The following MDM2 variants were observed in gnomAD, a reference collection of about 807,000 sequenced individuals.
The protein encoded by MDM2 is E3 ubiquitin-protein ligase Mdm2.
A neutral mutation model predicts 64.3 loss-of-function variants in MDM2; 11 were observed. The ratio of observed to expected loss-of-function variants is 0.17; its 90% CI spans 0.11 to 0.28. The LOEUF (loss-of-function observed/expected upper bound fraction) is 0.28, where lower values mean the gene tolerates loss of function less well. Ranked by LOEUF, MDM2 falls within the 10% of genes least tolerant of loss-of-function variation. MDM2 has a pLI of 1.00. For synonymous variants in MDM2, 194 were observed against 192.9 expected, an observed-to-expected ratio of 1.01 and a Z score of -0.05; for missense variants, 388 against 577.1, an observed-to-expected ratio of 0.67 and a Z score of 3.36.
intron 3 of MDM2, among the ~76,000 whole-genome samples, chr12:68,816,513 C>G (rs1158354327): frequency 6.6e-6 from 1 of 151,954 alleles, no homozygotes; most frequent in Non-Finnish European, 1.5e-5. Flanking sequence ...GCTGGGATTA[C>G]AGGTGTCTGC....
At chr12:68,814,394 T>C (rs1338825867) in intron 3 of MDM2, among the ~76,000 whole-genome samples, 1 of 152,248 alleles carries the variant, frequency 6.6e-6, no homozygotes, top group Admixed American at 6.5e-5. Context: ...ATAAGTCATA[T>C]TTTGAAATGT....
intron 5 of MDM2, among the ~76,000 whole-genome samples, chr12:68,823,857 G>A (rs1882076880): frequency 1.3e-5 from 2 of 152,198 alleles, no homozygotes; most frequent in African/African-American, 4.8e-5. Flanking sequence ...GGGAATGACA[G>A]CATGAGTCCT....
chr12:68,816,593 G>A lies in MDM2; in HGVS notation c.175-219G>A, dbSNP rs543205365. Among the ~76,000 whole-genome samples, 48 of 152,046 alleles carry A rather than the reference G, an allele frequency of 3.2e-4. 2 individuals are homozygous for A. The South Asian group carries it at 8.9e-3, about 28-fold the overall frequency. ...AGGATGGTCTTTATCTCCTGACCTCGTGATCCATCCGCTTCGGCCTCCCGA... is the reference window on the plus strand; with the variant it reads ...AGGATGGTCTTTATCTCCTGACCTCATGATCCATCCGCTTCGGCCTCCCGA... On this transcript the variant is annotated intron_variant, in intron 3 of 10. Transcript: ENST00000258149.
chr12:68,836,621 G>T, intron 9 of MDM2, 51 bp from the exon 10 acceptor site: 1 of 1,278,258 alleles, frequency 7.8e-7, no homozygotes, highest in South Asian at 1.2e-5. Context: ...GAAGCCTTCT[G>T]ATTGAAGGAA....
In MDM2 at chr12:68,842,276, C is replaced by CA. The variant is rs1208089479; in HGVS notation, c.*2430dup. 1 of 496,582 alleles carries CA rather than the reference C, an allele frequency of 2.0e-6. No homozygotes were observed. The highest frequency in any genetic ancestry group is 4.7e-5 in the East Asian group (1 of 21,374). 30.8% of individuals were successfully genotyped at this position (496,582 alleles called of 1,614,324 possible). On this transcript the variant is annotated 3_prime_UTR_variant, in exon 11 of 11. Transcript: ENST00000258149. ...AAGGACTACGGAAAGTTCAGGACAT[C>CA]AAAGAAGTCAGGCAAAACTCATCTT... is the stretch of plus-strand genomic sequence containing the variant.
chr12:68,810,716 C>T (rs1480520083), intron 2 of MDM2, among the ~76,000 whole-genome samples: 2 of 152,140 alleles, frequency 1.3e-5, no homozygotes, highest in Admixed American at 6.5e-5. Context: ...CCGCCTCGGC[C>T]TCCCAAAGTG....
chr12:68,833,477 T>C (rs890255097), intron 8 of MDM2, among the ~76,000 whole-genome samples: 4 of 148,138 alleles, frequency 2.7e-5, no homozygotes, highest in African/African-American at 4.9e-5. Context: ...TAATAGTTTC[T>C]GGGGCATTCT....
chr12:68,808,548 C>T lies in MDM2; in HGVS notation c.14+57C>T, dbSNP rs201879276. ...GGTCTGGGCTCTGACGGTGTCCCCT[C>T]TATCGCTGGTTCCCAGCCTCTGCCC... On this transcript the variant is annotated intron_variant, in intron 1 of 10. Transcript: ENST00000258149. 1,184 of 1,610,926 alleles carry T rather than the reference C, an allele frequency of 7.3e-4. 3 individuals carry two copies. Among genetic ancestry groups the T allele is most frequent in the Non-Finnish European group, 9.7e-4 (1,141 of 1,177,978 alleles).
At chr12:68,819,641 G>A (rs749187947) in intron 4 of MDM2, among the ~76,000 whole-genome samples, 10 of 152,106 alleles carry the variant, frequency 6.6e-5, no homozygotes, top group Non-Finnish European at 1.3e-4. Context: ...ACAGGCATGC[G>A]CCACCATGCC....
chr12:68,833,290 T>TATATTTATATAAATATAAAA, intron 8 of MDM2, among the ~76,000 whole-genome samples: 1 of 97,762 alleles, frequency 1.0e-5, no homozygotes, highest in African/African-American at 6.5e-5. Flanking sequence ...AATATAAATA[T>TATATTTATATAAATATAAAA]ATATATTTAT....
chr12:68,830,850 A>G (rs1882735062), intron 8 of MDM2, among the ~76,000 whole-genome samples: 1 of 152,026 alleles, frequency 6.6e-6, no homozygotes, highest in South Asian at 2.1e-4. Context: ...ACAGGCTCCC[A>G]TCACCACACC....
rs1883820050 is a variant in MDM2, at chr12:68,842,157, C to T, written c.*2308C>T. ...TAGTAACAAGCCTGTCAAATATCTGCAAGAACTATGGAATAAAACTACTGA... is the reference window on the plus strand; with the variant it reads ...TAGTAACAAGCCTGTCAAATATCTGTAAGAACTATGGAATAAAACTACTGA... On this transcript the variant is annotated 3_prime_UTR_variant, in exon 11 of 11. Coordinates refer to ENST00000258149, the MANE Select transcript of MDM2 (RefSeq NM_002392.6). 1 of 471,474 alleles carries T rather than the reference C, an allele frequency of 2.1e-6. No individual in the cohort carries two copies. Among genetic ancestry groups the T allele is most frequent in the African/African-American group, 2.0e-5 (1 of 50,536 alleles). The allele number at this position is 471,474 out of a possible 1,614,324, so 29.2% of individuals were successfully genotyped here.
intron 3 of MDM2, chr12:68,815,668 C>T (rs1881306388): frequency 2.4e-6 from 1 of 411,112 alleles, no homozygotes; most frequent in Non-Finnish European, 4.9e-6. Context: ...GTCTGGAACT[C>T]CTGGGCTCAA....
chr12:68,811,892 G>A (rs552672525), intron 2 of MDM2, among the ~76,000 whole-genome samples: 4 of 151,394 alleles, frequency 2.6e-5, no homozygotes, highest in Non-Finnish European at 5.9e-5. Flanking sequence ...GAGCCACTGC[G>A]CCTGGCCCAC....
At chr12:68,829,850 C>CA (rs886864979) in intron 8 of MDM2, among the ~76,000 whole-genome samples, 1 of 151,754 alleles carries the variant, frequency 6.6e-6, no homozygotes, top group Admixed American at 6.6e-5. Flanking sequence ...TACAGACTTC[C>CA]AAAATATTAG....
In MDM2 at chr12:68,820,332, T is replaced by C; in HGVS notation, c.316T>C (p.Tyr106His). 4 of 1,597,020 alleles carry C rather than the reference T, an allele frequency of 2.5e-6. No homozygotes were observed. Among genetic ancestry groups the C allele is most frequent in the African/African-American group, 1.4e-5 (1 of 73,948 alleles). Residue 106 changes from tyrosine to histidine, a missense_variant, in exon 5 of 11, where the codon TAT becomes CAT. Physicochemically the swap from Tyr to His is moderately conservative, Grantham distance 83. This residue lies in a region of MDM2 where 24 missense variants were observed against 87.8 expected (regional missense o/e 0.27). Coordinates refer to ENST00000258149, the MANE Select transcript of MDM2 (RefSeq NM_002392.6). ...TTTTTTTCTGTCTACAAGGAAAATA[T>C]ATACCATGATCTACAGGAACTTGGT... ...SFSVKEHRKI[Y>H]TMIYRNLVVV...
At chr12:68,831,262 G>C (rs980643708) in intron 8 of MDM2, among the ~76,000 whole-genome samples, 2 of 152,206 alleles carry the variant, frequency 1.3e-5, no homozygotes, top group Non-Finnish European at 2.9e-5. Context: ...CACAGACAGA[G>C]GGAGGGGGGC....
intron 8 of MDM2, among the ~76,000 whole-genome samples, chr12:68,834,209 G>T (rs777998477): frequency 6.6e-6 from 1 of 152,004 alleles, no homozygotes; most frequent in Admixed American, 6.6e-5. Context: ...TTGGGAGGCC[G>T]AGGTGGCGGA....
At chr12:68,831,082 C>G (rs533184848) in intron 8 of MDM2, among the ~76,000 whole-genome samples, 3 of 152,224 alleles carry the variant, frequency 2.0e-5, no homozygotes, top group African/African-American at 7.2e-5. Context: ...CTGCTTTGTA[C>G]CTGGGACACT....
Sources: gnomAD v4.1 joint callset for allele counts (sites outside exome capture counted in the v4.1 genomes callset) on GRCh38, gnomAD v4.1.1 for gene constraint, gnomAD v4.1.1 regional missense constraint, MANE v1.5 for transcripts, NCBI Gene and HGNC (gene_info 2026-07-23, HGNC 2026-07-21) for gene names.